The following TP53BP2 variants were observed in gnomAD, a reference collection of about 807,000 sequenced individuals.
TP53BP2 encodes the protein apoptosis-stimulating of p53 protein 2.
Under a neutral mutation model 126.2 loss-of-function variants are expected in TP53BP2, and 62 were observed. The observed-to-expected ratio is 0.49, with a 90% confidence interval of 0.40 to 0.61. The LOEUF (loss-of-function observed/expected upper bound fraction) is 0.61, where lower values mean the gene tolerates loss of function less well. Ranked by LOEUF, TP53BP2 falls within the 20% of genes least tolerant of loss-of-function variation. The pLI is 0.00. For synonymous variants in TP53BP2, 485 were observed against 502.9 expected (o/e 0.96, Z 0.48); for missense variants, 1,215 against 1,402.8 (o/e 0.87, Z 2.14).
At chr1:223,845,072 A>G (rs1289373212) in intron 1 of TP53BP2, among the ~76,000 whole-genome samples, 1 of 152,212 alleles carries the variant, frequency 6.6e-6, no homozygotes, top group East Asian at 1.9e-4. Flanking sequence ...AGGTCTTGCT[A>G]AAAGCTGTGG....
At position 223,796,317 on chromosome 1, in the gene TP53BP2, C is replaced by T. The variant is rs953926715; in HGVS notation, c.2222G>A (p.Arg741His). The T allele has an allele frequency of 1.9e-6, 3 of 1,614,120 alleles. No individual in the cohort carries two copies. The highest frequency in any genetic ancestry group is 2.5e-6 in the Non-Finnish European group (3 of 1,180,026). The change falls in exon 13 of 18, where the codon CGT becomes CAT. Residue 741 changes from arginine (R) to histidine (H), a missense_variant. By Grantham distance (29) the Arg-to-His change is conservative. Transcript: ENST00000343537. This position sits in a 1 kb window ranked among gnomAD's most constrained non-coding sequence, Gnocchi z 4.2. ...ACCCTCTGGCTCTGTAATAGAACTA[C>T]GTTTCTTTAGAGGCCTTGGTGCGTT... ...LSNAPRPLKKRSSITEPEGPN... is the reference protein window; with the variant it reads ...LSNAPRPLKKHSSITEPEGPN...
chr1:223,798,258 G>A lies in TP53BP2; in HGVS notation c.1905C>T (p.Ser635=), dbSNP rs140226297. Residue 635 remains serine (S), a synonymous_variant, in exon 12 of 18, where the codon AGC becomes AGT. Coordinates refer to ENST00000343537, the MANE Select transcript of TP53BP2 (RefSeq NM_001031685.3). ...CTCTGGTATGAGTCTTGGTCAACGC[G>A]CTCTGCACAGCCTGCTGGAAGTTTT... The part of the protein sequence containing the change: ...PGKNFQQAVQ[S]ALTKTHTRGP... The A allele has an allele frequency of 5.5e-3, 8,952 of 1,614,150 alleles. 34 individuals carry two copies. The highest frequency in any genetic ancestry group is 7.0e-3 in the Non-Finnish European group (8,215 of 1,180,026).
chr1:223,829,139 C>T (rs769481563), intron 1 of TP53BP2, among the ~76,000 whole-genome samples: 13 of 151,924 alleles, frequency 8.6e-5, no homozygotes, highest in South Asian at 4.2e-4. Context: ...GCAGACCATC[C>T]GGGGCAACAT....
At position 223,800,681 on chromosome 1, in the gene TP53BP2, T is replaced by C; in HGVS notation, c.1336+19A>G. On this transcript the variant is annotated intron_variant, in intron 10 of 17. Coordinates refer to ENST00000343537, the MANE Select transcript of TP53BP2 (RefSeq NM_001031685.3). ...ATGACCAAAATTTAATGTTCAAGAG[T>C]AGCACAAATAAATCTCACCTTGATC... 1.3e-6 allele frequency: 2 copies of C among 1,557,474 alleles called. No individual in the cohort carries two copies. The highest frequency in any genetic ancestry group is 2.4e-5 in the South Asian group (2 of 84,938).
At chr1:223,801,963 T>G (rs1467928098) in intron 9 of TP53BP2, 153 bp downstream of exon 9, 5 of 702,578 alleles carry the variant, frequency 7.1e-6, no homozygotes, top group African/African-American at 3.6e-5. Context: ...CAATTTTAAT[T>G]TTTTAAACGT....
intron 17 of TP53BP2, among the ~76,000 whole-genome samples, chr1:223,782,172 C>T (rs1242354237): frequency 6.6e-6 from 1 of 152,100 alleles, no homozygotes; most frequent in Non-Finnish European, 1.5e-5. Context: ...TGAGATGATG[C>T]ATGTATTATT....
Position 223,845,941 on chromosome 1 carries a change from C to G in TP53BP2, c.-261G>C. 1 of 225,718 alleles carries G rather than the reference C, an allele frequency of 4.4e-6. No homozygotes were observed. The allele number at this position is 225,718 out of a possible 1,614,324, so 14.0% of individuals were successfully genotyped here. A position where few individuals can be genotyped will look rare whatever the true frequency, so the allele number is the denominator to read the frequency against. ...ACGGTCGGGGCTCCCTCCTCCGCTC[C>G]GAAACCAACTAATCCCGGGTCGGGC... On this transcript the variant is annotated 5_prime_UTR_variant, in exon 1 of 18. Transcript: ENST00000343537.
intron 17 of TP53BP2, 78 bp downstream of exon 17, chr1:223,784,037 T>C: frequency 2.3e-6 from 3 of 1,281,334 alleles, no homozygotes; most frequent in Non-Finnish European, 3.4e-6. Flanking sequence ...TGGTGCACTG[T>C]ACACATAACA....
chr1:223,845,532 C>T (rs1664238579), intron 1 of TP53BP2, 122 bp downstream of exon 1: 2 of 1,104,174 alleles, frequency 1.8e-6, no homozygotes, highest in African/African-American at 1.7e-5. Context: ...AAAGCCCCGG[C>T]CCCTCCGCGC....
chr1:223,823,737 A>G (rs1663397133), intron 1 of TP53BP2, among the ~76,000 whole-genome samples: 1 of 152,238 alleles, frequency 6.6e-6, no homozygotes, highest in Non-Finnish European at 1.5e-5. Context: ...TGCTGCTCCC[A>G]AAGTATACAG....
chr1:223,812,784 G>C (rs114245422), intron 3 of TP53BP2, among the ~76,000 whole-genome samples: 1 of 152,018 alleles, frequency 6.6e-6, no homozygotes, highest in Admixed American at 6.5e-5. Flanking sequence ...GGTCTGTCTC[G>C]ATCTCCTGAC....
At chr1:223,836,032 C>T (rs6678365) in intron 1 of TP53BP2, among the ~76,000 whole-genome samples, 14,586 of 152,146 alleles carry the variant, frequency 0.096, 764 homozygotes, top group African/African-American at 0.14. Flanking sequence ...GAGAGAAACA[C>T]TGTGTATAAA....
At chr1:223,834,554 T>C (rs1663856167) in intron 1 of TP53BP2, among the ~76,000 whole-genome samples, 1 of 152,344 alleles carries the variant, frequency 6.6e-6, no homozygotes, top group South Asian at 2.1e-4. Flanking sequence ...ACATATACAC[T>C]GGTATTTATA....
intron 1 of TP53BP2, among the ~76,000 whole-genome samples, chr1:223,831,776 A>C (rs1663742193): frequency 6.7e-6 from 1 of 149,278 alleles, no homozygotes; most frequent in East Asian, 2.0e-4. Flanking sequence ...AAAAAAAAAA[A>C]CACTGTGTTA....
intron 1 of TP53BP2, among the ~76,000 whole-genome samples, chr1:223,829,553 G>A (rs527635854): frequency 1.4e-3 from 216 of 152,256 alleles, no homozygotes; most frequent in African/African-American, 5.1e-3. Flanking sequence ...AAGAATGTAA[G>A]ATGACTTCAT....
intron 4 of TP53BP2, among the ~76,000 whole-genome samples, chr1:223,808,053 G>A (rs1662781652): frequency 6.6e-6 from 1 of 152,190 alleles, no homozygotes; most frequent in Non-Finnish European, 1.5e-5. Context: ...ACCAATGCAT[G>A]TGGTATTGAC....
In TP53BP2 at chr1:223,804,348, C is replaced by A. The variant is rs1662641936; in HGVS notation, c.475G>T (p.Glu159Ter). 6.2e-7 allele frequency: 1 copy of A among 1,612,526 alleles called. No individual in the cohort carries two copies. The highest frequency in any genetic ancestry group is 1.1e-5 in the South Asian group (1 of 90,650). ...EAQQQLLATK[E>*]QRLKFLKQQD... ...TGTTTCAAAAACTTTAAGCGCTGTT[C>A]CTAAAAATAAAAGTAATCATTAGGT... The change falls in exon 6 of 18, where the codon GAA (glutamate) becomes TAA (stop). Residue 159 changes from glutamate to a stop codon, truncating the protein, a stop_gained and splice_region_variant. Coordinates refer to ENST00000343537, the MANE Select transcript of TP53BP2 (RefSeq NM_001031685.3). LOFTEE classifies it high-confidence loss of function.
At chr1:223,833,612 T>C (rs2102886144) in intron 1 of TP53BP2, among the ~76,000 whole-genome samples, 1 of 152,306 alleles carries the variant, frequency 6.6e-6, no homozygotes, top group South Asian at 2.1e-4. Context: ...AAAGAACCAC[T>C]TCATATACAT....
At chr1:223,788,968 A>C in intron 16 of TP53BP2, 40 bp downstream of exon 16, 3 of 1,579,218 alleles carry the variant, frequency 1.9e-6, no homozygotes, top group Non-Finnish European at 2.6e-6. Flanking sequence ...AGAATAAATG[A>C]ATGCAGTAAT....
Sources: allele counts gnomAD v4.1 joint callset (sites outside exome capture counted in the v4.1 genomes callset), GRCh38; gene constraint gnomAD v4.1.1; non-coding constraint Gnocchi (gnomAD v3.1); transcripts MANE v1.5; gene names NCBI Gene and HGNC (gene_info 2026-07-23, HGNC 2026-07-21).